DLGAP2: variants seen among roughly 807,000 people sequenced by gnomAD.
The protein encoded by DLGAP2 is DLG associated protein 2.
DLGAP2 carries 26 observed loss-of-function variants against 100.3 expected under a neutral mutation model. The observed-to-expected ratio is 0.26, with a 90% CI of 0.19 to 0.36. The LOEUF (loss-of-function observed/expected upper bound fraction) is 0.36, where lower values mean the gene tolerates loss of function less well. DLGAP2 is among the 10% of genes least tolerant of loss of function. The pLI, the probability that DLGAP2 is intolerant of heterozygous loss-of-function variation, is 1.00. For missense variants in DLGAP2, 1,858 were observed against 1,453.2 expected, an observed-to-expected ratio of 1.28 and a Z score of -4.53; for synonymous variants, 886 against 630.1, an observed-to-expected ratio of 1.41 and a Z score of -6.08.
At chr8:1,566,983 C>G (rs373638008) in intron 6 of DLGAP2, among the ~76,000 whole-genome samples, 10 of 152,218 alleles carry the variant, frequency 6.6e-5, no homozygotes, top group Non-Finnish European at 1.3e-4. Context: ...GCCCATCCAT[C>G]TCCTCTCCCT....
At chr8:1,434,833 G>A (rs575192774) in intron 3 of DLGAP2, among the ~76,000 whole-genome samples, 52 of 152,158 alleles carry the variant, frequency 3.4e-4, no homozygotes, top group African/African-American at 1.2e-3. Context: ...ATGCATTATC[G>A]TTCCTTCCTC....
At chr8:1,198,826 C>T (rs1797808829) in intron 2 of DLGAP2, among the ~76,000 whole-genome samples, 1 of 152,230 alleles carries the variant, frequency 6.6e-6, no homozygotes, top group Non-Finnish European at 1.5e-5. Flanking sequence ...CACCTCCCTC[C>T]TGGGCTAGGC....
intron 2 of DLGAP2, chr8:1,002,248 C>G (rs1208264201): frequency 6.6e-6 from 1 of 152,268 alleles, no homozygotes; most frequent in East Asian, 1.9e-4. Flanking sequence ...GCTGCACAGA[C>G]GTGATTCTTC....
chr8:808,905 C>CT (rs539422380), intron 1 of DLGAP2, among the ~76,000 whole-genome samples: 29,102 of 130,334 alleles, frequency 0.22, 4,042 homozygotes, highest in Non-Finnish European at 0.31. Flanking sequence ...CTGTTGCTGC[C>CT]TTTTTTTTTT....
chr8:1,464,179 G>A (rs79601116), intron 3 of DLGAP2, among the ~76,000 whole-genome samples: 9 of 34,402 alleles, frequency 2.6e-4, no homozygotes, highest in Middle Eastern at 0.027. Flanking sequence ...GACAGCACCC[G>A]TCCAGGACAG....
At position 1,363,991 on chromosome 8, in the gene DLGAP2, C is replaced by T. The variant is rs576234595; in HGVS notation, c.106+105108C>T. ...TCAGGATGCCTCCCCAGCCCCTCAT[C>T]CTCTGTCAGGTGCACCAGGTGGTAC... is the stretch of plus-strand genomic sequence containing the variant. On this transcript the variant is annotated intron_variant, in intron 3 of 14. Coordinates refer to ENST00000637795, the MANE Select transcript of DLGAP2 (RefSeq NM_001346810.2). 5.8e-4 allele frequency among the ~76,000 whole-genome samples: 88 copies of T among 152,328 alleles called. No individual in the cohort carries two copies. In the Middle Eastern group the frequency reaches 0.037, roughly 65 times the overall value.
chr8:1,449,239 G>A (rs183680562), intron 3 of DLGAP2, among the ~76,000 whole-genome samples: 83 of 152,312 alleles, frequency 5.4e-4, no homozygotes, highest in African/African-American at 2.0e-3. Context: ...GTTTTTACAC[G>A]TACCAATGAA....
intron 1 of DLGAP2, among the ~76,000 whole-genome samples, chr8:843,577 C>A (rs140410633): frequency 7.9e-5 from 12 of 152,338 alleles, no homozygotes; most frequent in Admixed American, 7.8e-4. Flanking sequence ...TGGACACGGA[C>A]GCCACGTAGA....
At chr8:1,494,038 G>T (rs980531725) in intron 3 of DLGAP2, among the ~76,000 whole-genome samples, 4 of 96,448 alleles carry the variant, frequency 4.1e-5, no homozygotes, top group African/African-American at 1.5e-4. Flanking sequence ...CTCCCATTCT[G>T]CATCGGGGGG....
chr8:1,266,129 C>T (rs1249801152), intron 3 of DLGAP2, among the ~76,000 whole-genome samples: 3 of 152,306 alleles, frequency 2.0e-5, no homozygotes, highest in South Asian at 4.1e-4. Context: ...AAAGCAGAGA[C>T]GCTCTGAAAG....
chr8:977,402 T>C (rs1800193112), intron 2 of DLGAP2, among the ~76,000 whole-genome samples: 1 of 152,240 alleles, frequency 6.6e-6, no homozygotes, highest in Non-Finnish European at 1.5e-5. Flanking sequence ...TTAGTTTCCA[T>C]GGAGGGCACA....
At chr8:1,492,689 G>C (rs1293350238) in intron 3 of DLGAP2, among the ~76,000 whole-genome samples, 4 of 152,204 alleles carry the variant, frequency 2.6e-5, no homozygotes, top group Admixed American at 1.3e-4. Context: ...CAGAGGGGCC[G>C]GGATGGACCC....
chr8:1,277,160 A>C (rs976615105), intron 3 of DLGAP2, among the ~76,000 whole-genome samples: 9 of 152,206 alleles, frequency 5.9e-5, no homozygotes, highest in African/African-American at 2.2e-4. Context: ...TAGAAATCTC[A>C]GAAATATAGT....
At chr8:975,969 C>G (rs1292623365) in intron 2 of DLGAP2, among the ~76,000 whole-genome samples, 1 of 151,986 alleles carries the variant, frequency 6.6e-6, no homozygotes, top group Non-Finnish European at 1.5e-5. Flanking sequence ...CAAAAATTAC[C>G]CTGAAACCAA....
intron 2 of DLGAP2, among the ~76,000 whole-genome samples, chr8:1,086,618 A>C (rs1803981943): frequency 6.6e-6 from 1 of 152,208 alleles, no homozygotes; most frequent in Non-Finnish European, 1.5e-5. Flanking sequence ...TAGTTACATG[A>C]GACAAAATAG....
intron 2 of DLGAP2, among the ~76,000 whole-genome samples, chr8:916,805 C>G (rs1798603476): frequency 6.6e-6 from 1 of 152,228 alleles, no homozygotes; most frequent in African/African-American, 2.4e-5. Flanking sequence ...AAATGTTGAT[C>G]AAGCAGCCGG....
At chr8:1,114,469 T>G (rs1805055982) in intron 2 of DLGAP2, among the ~76,000 whole-genome samples, 1 of 152,148 alleles carries the variant, frequency 6.6e-6, no homozygotes, top group Admixed American at 6.5e-5. Context: ...CTTCTAGGTT[T>G]TCTAGATTGT....
intron 7 of DLGAP2, among the ~76,000 whole-genome samples, chr8:1,630,885 C>T (rs191957764): frequency 1.7e-4 from 23 of 139,184 alleles, no homozygotes; most frequent in African/African-American, 6.7e-4. Context: ...AGGGTCTCGG[C>T]GGGAGGTCCG....
chr8:1,150,770 C>T (rs1280783158), intron 2 of DLGAP2, among the ~76,000 whole-genome samples: 1 of 152,078 alleles, frequency 6.6e-6, no homozygotes, highest in Admixed American at 6.5e-5. Flanking sequence ...GACTCAAAAA[C>T]ATAGATGAGT....
Sources: gnomAD v4.1 joint callset for allele counts (sites outside exome capture counted in the v4.1 genomes callset) on GRCh38, gnomAD v4.1.1 for gene constraint, MANE v1.5 for transcripts, NCBI Gene and HGNC (gene_info 2026-07-23, HGNC 2026-07-21) for gene names.